TMEM123: variants seen among roughly 807,000 people sequenced by gnomAD.
TMEM123 encodes the protein transmembrane protein 123, also known as porimin.
Under a neutral mutation model 19.7 loss-of-function variants are expected in TMEM123, and 16 were observed. The ratio of observed to expected loss-of-function variants is 0.81; its 90% CI spans 0.55 to 1.23. The LOEUF (loss-of-function observed/expected upper bound fraction) is 1.23. TMEM123 is among the 50% of genes most tolerant of loss of function. TMEM123 has a pLI of 0.00. For missense variants in TMEM123, 313 were observed against 257.8 expected (o/e 1.21, Z -1.47); for synonymous variants, 118 against 99.4 (o/e 1.19, Z -1.12).
Position 102,397,448 on chromosome 11 carries a change from ACTTGAC to A in TMEM123, c.*1413_*1418del, listed in dbSNP as rs1156979468. 2 of 152,164 alleles carry A rather than the reference ACTTGAC, an allele frequency of 1.3e-5. No individual in the cohort carries two copies. Among genetic ancestry groups the A allele is most frequent in the African/African-American group, 4.8e-5 (2 of 41,460 alleles). The allele number at this position is 152,164 out of a possible 1,614,324, so 9.4% of individuals were successfully genotyped here. ...GTGACTACATACCTCTTTTGTTAAAACTTGACCCTGAGTTTTGAGTGCTGGAATATA... is the reference window on the plus strand; with the variant it reads ...GTGACTACATACCTCTTTTGTTAAAACCTGAGTTTTGAGTGCTGGAATATA... On this transcript the variant is annotated 3_prime_UTR_variant, in exon 5 of 5. Transcript: ENST00000398136.
chr11:102,432,226 T>C (rs1857717840), intron 2 of TMEM123, among the ~76,000 whole-genome samples: 1 of 152,148 alleles, frequency 6.6e-6, no homozygotes, highest in Non-Finnish European at 1.5e-5. Context: ...TGGAACTTCC[T>C]AGAGACTTGG....
rs12291456 is a variant in TMEM123, at chr11:102,398,620, T to C, written c.*247A>G. On this transcript the variant is annotated 3_prime_UTR_variant, in exon 5 of 5. Coordinates refer to ENST00000398136, the MANE Select transcript of TMEM123 (RefSeq NM_052932.3). ...CCAAAAAAAAAAAGATAGGACTTGTTTGTCTTACTATGAACTTGCTAAAAC... is the reference window on the plus strand; with the variant it reads ...CCAAAAAAAAAAAGATAGGACTTGTCTGTCTTACTATGAACTTGCTAAAAC... 12 of 505,302 alleles carry C rather than the reference T, an allele frequency of 2.4e-5. No individual in the cohort carries two copies. Among genetic ancestry groups the C allele is most frequent in the Non-Finnish European group, 3.7e-5 (11 of 294,002 alleles). The allele number at this position is 505,302 out of a possible 1,614,324, so 31.3% of individuals were successfully genotyped here.
intron 2 of TMEM123, among the ~76,000 whole-genome samples, chr11:102,441,733 C>CAA (rs781129811): frequency 0.017 from 2,247 of 129,682 alleles, 53 homozygotes; most frequent in African/African-American, 0.058. Flanking sequence ...AAAAACCCTT[C>CAA]AAAAAAAAAA....
chr11:102,422,851 T>C (rs1001798976), intron 2 of TMEM123, among the ~76,000 whole-genome samples: 1 of 152,210 alleles, frequency 6.6e-6, no homozygotes, highest in Non-Finnish European at 1.5e-5. Context: ...TTTTAAGATG[T>C]TTTATGTTTC....
intron 1 of TMEM123, 53 bp from the exon 2 acceptor site, chr11:102,448,921 T>C: frequency 1.3e-6 from 2 of 1,560,330 alleles, no homozygotes; most frequent in Non-Finnish European, 1.8e-6. Flanking sequence ...CTAAGAATAC[T>C]GGCAGTATGT....
At chr11:102,450,352 G>A (rs974875130) in intron 1 of TMEM123, among the ~76,000 whole-genome samples, 1 of 152,092 alleles carries the variant, frequency 6.6e-6, no homozygotes, top group Non-Finnish European at 1.5e-5. Context: ...TTCAAGGTGG[G>A]TTTCTGTCAC....
At chr11:102,448,709 TA>T in intron 2 of TMEM123, 102 bp downstream of exon 2, 1 of 1,117,050 alleles carries the variant, frequency 9.0e-7, no homozygotes. Flanking sequence ...AACTCAGGGT[TA>T]AAACAGGTCA....
At chr11:102,428,613 A>C (rs1035507436) in intron 2 of TMEM123, among the ~76,000 whole-genome samples, 4 of 149,266 alleles carry the variant, frequency 2.7e-5, no homozygotes, top group Admixed American at 6.7e-5. Context: ...GGCCCCCCCA[A>C]AAAAAAAAAG....
chr11:102,447,365 T>C (rs1029870665), intron 2 of TMEM123, among the ~76,000 whole-genome samples: 4 of 152,238 alleles, frequency 2.6e-5, no homozygotes, highest in Non-Finnish European at 5.9e-5. Flanking sequence ...AAATCCTGAA[T>C]GTGACACTTA....
At chr11:102,412,930 C>T (rs997802347) in intron 2 of TMEM123, among the ~76,000 whole-genome samples, 8 of 152,214 alleles carry the variant, frequency 5.3e-5, no homozygotes, top group Admixed American at 2.6e-4. Context: ...AATCTTCACA[C>T]GCTAATTCCC....
At chr11:102,405,255 G>A (rs1383374437) in intron 2 of TMEM123, among the ~76,000 whole-genome samples, 4 of 151,658 alleles carry the variant, frequency 2.6e-5, no homozygotes, top group Non-Finnish European at 5.9e-5. Flanking sequence ...CACCTTGTTA[G>A]CCAGGATGGT....
At chr11:102,442,086 G>A (rs1438669271) in intron 2 of TMEM123, among the ~76,000 whole-genome samples, 1 of 152,152 alleles carries the variant, frequency 6.6e-6, no homozygotes. Flanking sequence ...AAAAGTCCAG[G>A]ACTAGACGGA....
chr11:102,419,513 AC>A (rs1056622815), intron 2 of TMEM123, among the ~76,000 whole-genome samples: 1 of 152,216 alleles, frequency 6.6e-6, no homozygotes, highest in African/African-American at 2.4e-5. Context: ...GCTCTCAGCT[AC>A]CTAAACTCCC....
chr11:102,415,722 T>C (rs573546118), intron 2 of TMEM123, among the ~76,000 whole-genome samples: 1 of 152,292 alleles, frequency 6.6e-6, no homozygotes, highest in South Asian at 2.1e-4. Flanking sequence ...ATGAAAATGT[T>C]AGAAAGACCT....
intron 2 of TMEM123, among the ~76,000 whole-genome samples, chr11:102,427,401 AAG>A (rs1000925191): frequency 2.6e-5 from 4 of 151,720 alleles, no homozygotes; most frequent in Non-Finnish European, 4.4e-5. Flanking sequence ...GCAGAAGTGG[AAG>A]AGAAGGCAGA....
At chr11:102,441,608 A>G (rs1218890689) in intron 2 of TMEM123, among the ~76,000 whole-genome samples, 1 of 152,196 alleles carries the variant, frequency 6.6e-6, no homozygotes, top group Admixed American at 6.5e-5. Flanking sequence ...TCTAAAATTG[A>G]CACCCTAATA....
chr11:102,450,968 C>T (rs1857932605), intron 1 of TMEM123, among the ~76,000 whole-genome samples: 1 of 152,140 alleles, frequency 6.6e-6, no homozygotes, highest in Non-Finnish European at 1.5e-5. Context: ...CTATTGTATA[C>T]CTTTTAGTCT....
Position 102,452,732 on chromosome 11 carries a change from G to A in TMEM123, c.-109C>T. The A allele has an allele frequency of 2.4e-6, 2 of 845,738 alleles. No individual in the cohort carries two copies. The highest frequency in any genetic ancestry group is 3.2e-6 in the Non-Finnish European group (2 of 618,108). 52.4% of individuals were successfully genotyped at this position (845,738 alleles called of 1,614,324 possible). ...CCGGCTCCGCTTCCCCTTCGGCCGCGCACGTTTCCCCTCCCGCCGCTTGCC... is the reference window on the plus strand; with the variant it reads ...CCGGCTCCGCTTCCCCTTCGGCCGCACACGTTTCCCCTCCCGCCGCTTGCC... On this transcript the variant is annotated 5_prime_UTR_variant, in exon 1 of 5. Transcript: ENST00000398136.
intron 2 of TMEM123, among the ~76,000 whole-genome samples, chr11:102,440,885 G>A (rs901035926): frequency 6.6e-6 from 1 of 152,068 alleles, no homozygotes; most frequent in African/African-American, 2.4e-5. Context: ...AAAAGCAGGG[G>A]TTGCAATCCT....
Sources: allele counts gnomAD v4.1 joint callset (sites outside exome capture counted in the v4.1 genomes callset), GRCh38; gene constraint gnomAD v4.1.1; transcripts MANE v1.5; gene names NCBI Gene and HGNC (gene_info 2026-07-23, HGNC 2026-07-21).